RYR2: variants seen among roughly 807,000 people sequenced by gnomAD.
RYR2 encodes ryanodine receptor 2.
RYR2 carries 227 observed loss-of-function variants against 601.1 expected under a neutral mutation model. The observed-to-expected ratio is 0.38, with a 90% CI of 0.34 to 0.42. The LOEUF is 0.42. RYR2 is among the 10% of genes least tolerant of loss of function. The probability of loss-of-function intolerance (pLI) is 1.00; values close to 1 mark genes in which losing one functional copy is unlikely to be tolerated. For synonymous variants in RYR2, 2,223 were observed against 2,175.1 expected (o/e 1.02, Z -0.61); for missense variants, 4,646 against 6,156.5 (o/e 0.75, Z 8.21).
rs186091836 is a variant in RYR2, at chr1:237,795,921, C to T, written c.13956+590C>T. Among the ~76,000 whole-genome samples, 18 of 30,220 alleles carry T rather than the reference C, an allele frequency of 6.0e-4. No homozygotes were observed. The South Asian group carries it at 0.035, about 58-fold the overall frequency. The allele number at this position is 30,220 out of a possible 152,430, so 19.8% of individuals were successfully genotyped here. A position where few individuals can be genotyped will look rare whatever the true frequency, so the allele number is the denominator to read the frequency against. ...ATATGGATACACACACATATGCACG[C>T]GTATGTGTGTACATATGTATGTGTG... On this transcript the variant is annotated intron_variant, in intron 96 of 104. Transcript: ENST00000366574.
chr1:237,303,970 C>T (rs1207461686), intron 2 of RYR2, among the ~76,000 whole-genome samples: 4 of 152,062 alleles, frequency 2.6e-5, no homozygotes, highest in South Asian at 4.1e-4. Context: ...AATTTTCTGT[C>T]GGGTGTAAGA....
chr1:237,510,302 T>G (rs1298570583), intron 23 of RYR2, among the ~76,000 whole-genome samples: 1 of 152,130 alleles, frequency 6.6e-6, no homozygotes, highest in Non-Finnish European at 1.5e-5. Flanking sequence ...AGATTTCTGG[T>G]TTCATTGAGA....
At chr1:237,285,541 A>C (rs976280940) in intron 2 of RYR2, among the ~76,000 whole-genome samples, 1 of 152,146 alleles carries the variant, frequency 6.6e-6, no homozygotes, top group Non-Finnish European at 1.5e-5. Flanking sequence ...GGCTTCATAG[A>C]ATGAATTAGG....
intron 8 of RYR2, among the ~76,000 whole-genome samples, chr1:237,378,092 G>A (rs77258527): frequency 0.05 from 7,685 of 152,260 alleles, 481 homozygotes; most frequent in African/African-American, 0.14. Context: ...TGAAAGACAC[G>A]TCTCATGTGG....
intron 2 of RYR2, among the ~76,000 whole-genome samples, chr1:237,329,570 A>G (rs1696508853): frequency 6.6e-6 from 1 of 151,564 alleles, no homozygotes; most frequent in African/African-American, 2.4e-5. Flanking sequence ...TGACTCCAGG[A>G]GGTGTAGGTT....
intron 29 of RYR2, among the ~76,000 whole-genome samples, chr1:237,572,765 A>G (rs894320956): frequency 6.6e-6 from 1 of 152,116 alleles, no homozygotes; most frequent in Non-Finnish European, 1.5e-5. Flanking sequence ...GTCAGTCATG[A>G]ATCTAAATTT....
chr1:237,433,531 T>C (rs1188795801), intron 12 of RYR2, among the ~76,000 whole-genome samples: 5 of 152,172 alleles, frequency 3.3e-5, no homozygotes, highest in African/African-American at 1.2e-4. Flanking sequence ...TTGTTTCACA[T>C]TGTCAACATT....
chr1:237,682,237 A>G (rs1685950269), intron 62 of RYR2, among the ~76,000 whole-genome samples: 1 of 152,120 alleles, frequency 6.6e-6, no homozygotes, highest in South Asian at 2.1e-4. Flanking sequence ...ATACACCAAA[A>G]AAGAAAATTG....
intron 6 of RYR2, among the ~76,000 whole-genome samples, chr1:237,372,264 C>A (rs1349877251): frequency 6.6e-6 from 1 of 152,026 alleles, no homozygotes; most frequent in Non-Finnish European, 1.5e-5. Flanking sequence ...ATGAATAGGT[C>A]AGATAAGAAA....
chr1:237,187,475 A>C, intron 1 of RYR2, among the ~76,000 whole-genome samples: 3 of 112,554 alleles, frequency 2.7e-5, no homozygotes, highest in Admixed American at 1.1e-4. Context: ...GACAAGTCTC[A>C]CTCTGTCACT....
At chr1:237,738,180 C>T (rs1691309886) in intron 79 of RYR2, among the ~76,000 whole-genome samples, 1 of 152,188 alleles carries the variant, frequency 6.6e-6, no homozygotes, top group African/African-American at 2.4e-5. Context: ...TCCTCCACCA[C>T]TGCAGGTCCC....
At chr1:237,588,133 C>T (rs891162461) in intron 29 of RYR2, among the ~76,000 whole-genome samples, 3 of 152,078 alleles carry the variant, frequency 2.0e-5, no homozygotes, top group South Asian at 2.1e-4. Context: ...GATACAGCTG[C>T]AATTTTTTTT....
At chr1:237,465,240 T>C (rs1659941671) in intron 16 of RYR2, among the ~76,000 whole-genome samples, 1 of 144,948 alleles carries the variant, frequency 6.9e-6, no homozygotes, top group Non-Finnish European at 1.5e-5. Flanking sequence ...TTTCCTGATA[T>C]ATTTTTGTCT....
chr1:237,406,200 C>CT (rs1703872283), intron 10 of RYR2, among the ~76,000 whole-genome samples: 1 of 80,660 alleles, frequency 1.2e-5, no homozygotes, highest in Non-Finnish European at 2.5e-5. Context: ...CTTCCCTTCC[C>CT]TCCCCTCCCT....
At chr1:237,803,524 T>C (rs1283109780) in intron 98 of RYR2, among the ~76,000 whole-genome samples, 2 of 152,030 alleles carry the variant, frequency 1.3e-5, no homozygotes, top group South Asian at 2.1e-4. Flanking sequence ...ATGGTCTCGA[T>C]CTCCTGACCT....
rs776702428 is a variant in RYR2 at position 237,594,886 on chromosome 1, GT to G, written c.4437-567del. 5.8e-4 allele frequency among the ~76,000 whole-genome samples: 35 copies of G among 60,406 alleles called. 1 individual carries two copies. The highest frequency in any genetic ancestry group is 1.2e-3 in the African/African-American group (13 of 10,484). The allele number at this position is 60,406 out of a possible 152,430, so 39.6% of individuals were successfully genotyped here. A position where few individuals can be genotyped will look rare whatever the true frequency, so the allele number is the denominator to read the frequency against. The stretch of plus-strand genomic sequence containing the variant: ...TGGCATTTGTGGTTAATATCACTGG[GT>G]TTTTTTTTTTTTTTTTTTTTTTTTT... On this transcript the variant is annotated intron_variant, in intron 33 of 104. Transcript: ENST00000366574.
chr1:237,530,909 C>A (rs1156799317), intron 25 of RYR2, among the ~76,000 whole-genome samples: 15 of 145,710 alleles, frequency 1.0e-4, no homozygotes, highest in African/African-American at 1.0e-4. Context: ...GACTCCATCT[C>A]AAAAAAAAAA....
chr1:237,594,456 A>C (rs1675575365), intron 33 of RYR2, among the ~76,000 whole-genome samples: 1 of 152,130 alleles, frequency 6.6e-6, no homozygotes, highest in Non-Finnish European at 1.5e-5. Flanking sequence ...ATCTCTAATG[A>C]AGAGCTCTTT....
chr1:237,548,683 C>T, intron 26 of RYR2, 93 bp downstream of exon 26: 4 of 1,455,962 alleles, frequency 2.7e-6, no homozygotes, highest in Non-Finnish European at 2.8e-6. Context: ...TATTTTAAAA[C>T]TTGTATCATA....
Sources: allele counts gnomAD v4.1 joint callset (sites outside exome capture counted in the v4.1 genomes callset), GRCh38; gene constraint gnomAD v4.1.1; transcripts MANE v1.5; gene names NCBI Gene and HGNC (gene_info 2026-07-23, HGNC 2026-07-21).